POMGNT1: variants seen among roughly 807,000 people sequenced by gnomAD.
POMGNT1 encodes the protein protein O-linked mannose N-acetylglucosaminyltransferase 1 (beta 1,2-).
A neutral mutation model predicts 95.6 loss-of-function variants in POMGNT1; 67 were observed. The observed-to-expected ratio is 0.70, with a 90% CI of 0.58 to 0.86. POMGNT1 has a LOEUF of 0.86. Ranked by LOEUF, POMGNT1 falls within the 40% of genes least tolerant of loss-of-function variation. The pLI, the probability that POMGNT1 is intolerant of heterozygous loss-of-function variation, is 0.00. For missense variants in POMGNT1, 719 were observed against 855.2 expected (o/e 0.84, Z 1.99); for synonymous variants, 298 against 317.9 (o/e 0.94, Z 0.66).
exon 1 of POMGNT1, chr1:46,220,015 C>A: frequency 1.2e-6 from 2 of 1,614,180 alleles, no homozygotes; most frequent in East Asian, 2.2e-5. Context: ...ATGGACTGGG[C>A]AAAAGTTATA....
intron 17 of POMGNT1, chr1:46,191,139 C>T (rs1002820159): frequency 1.1e-5 from 4 of 350,532 alleles, no homozygotes; most frequent in Non-Finnish European, 1.7e-5. Flanking sequence ...AAGGGACGGG[C>T]TGGGCTGGGA....
intron 1 of POMGNT1, among the ~76,000 whole-genome samples, chr1:46,205,223 A>G (rs1219106967): frequency 6.6e-6 from 1 of 151,978 alleles, no homozygotes; most frequent in Non-Finnish European, 1.5e-5. Flanking sequence ...GCACCACTGC[A>G]CTCCAGCCTG....
In POMGNT1 at chr1:46,189,001, AAGGGCAGGATG is replaced by A; in HGVS notation, c.*258_*268del. ...CAGGCCTGGAAAGTGAGGGTATTCA[AAGGGCAGGATG>A]AGCTGCTAGGGATCGTAATGATTCC... On this transcript the variant is annotated 3_prime_UTR_variant, in exon 22 of 22. Coordinates refer to ENST00000371984, the MANE Select transcript of POMGNT1 (RefSeq NM_017739.4). 1 of 1,601,478 alleles carries A rather than the reference AAGGGCAGGATG, an allele frequency of 6.2e-7. No individual in the cohort carries two copies.
At chr1:46,194,063 G>A in intron 9 of POMGNT1, 138 bp from the exon 10 acceptor site, 2 of 1,543,648 alleles carry the variant, frequency 1.3e-6, no homozygotes, top group Non-Finnish European at 1.8e-6. Flanking sequence ...CCTGTTCTGG[G>A]CTCTCCACAC....
In POMGNT1 at chr1:46,196,738, C is replaced by G. The variant is rs759207565; in HGVS notation, c.347G>C (p.Gly116Ala). Residue 116 changes from glycine (G) to alanine (A), a missense_variant, in exon 4 of 22, where the codon GGC (glycine) becomes GCC (alanine). Physicochemically the swap from Gly to Ala is moderately conservative, Grantham distance 60. Around this residue, in one of 5 missense-constraint regions of POMGNT1, gnomAD observed 466 missense variants for 517.4 expected, o/e 0.90. Coordinates refer to ENST00000371984, the MANE Select transcript of POMGNT1 (RefSeq NM_017739.4). The surrounding 1 kb of genome is among the most constrained non-coding windows in gnomAD (Gnocchi z 4.4). ...AGACCCTGGCCCACTGACCGTGGTGCCATCCACTGCCACATATACTTTGCT... is the reference window on the plus strand; with the variant it reads ...AGACCCTGGCCCACTGACCGTGGTGGCATCCACTGCCACATATACTTTGCT... ...SRSKVYVAVD[G>A]TTVLEDEARE... The G allele has an allele frequency of 6.2e-7, 1 of 1,614,156 alleles. No homozygotes were observed. The highest frequency in any genetic ancestry group is 2.2e-5 in the East Asian group (1 of 44,888).
chr1:46,190,360 T>C (rs1657665632), intron 19 of POMGNT1, 113 bp downstream of exon 19: 2 of 1,382,314 alleles, frequency 1.4e-6, no homozygotes, highest in Admixed American at 1.7e-5. Context: ...TCCTAATGTT[T>C]GAGATGAGGG....
chr1:46,189,597 T>C (rs775447267), intron 20 of POMGNT1, 30 bp from the exon 21 acceptor site: 1 of 1,594,290 alleles, frequency 6.3e-7, no homozygotes, highest in South Asian at 1.1e-5. Context: ...GACAGAGACA[T>C]GGGTCAGAGA....
intron 1 of POMGNT1, among the ~76,000 whole-genome samples, chr1:46,205,616 T>C (rs867631328): frequency 3.3e-5 from 5 of 152,218 alleles, no homozygotes; most frequent in African/African-American, 9.6e-5. Flanking sequence ...CTGTAAACTT[T>C]AAGGGGCTGC....
intron 1 of POMGNT1, among the ~76,000 whole-genome samples, chr1:46,204,197 G>C (rs1016246586): frequency 1.3e-5 from 2 of 152,142 alleles, no homozygotes; most frequent in Non-Finnish European, 2.9e-5. Flanking sequence ...CCATAGCAGG[G>C]ACAGAGAGTA....
chr1:46,219,901 GCAC>G (rs773680596), exon 1 of POMGNT1: 28 of 1,613,874 alleles, frequency 1.7e-5, no homozygotes, highest in Non-Finnish European at 1.8e-5. Flanking sequence ...CCAGACACCA[GCAC>G]CACCGACCGG....
chr1:46,198,801 G>A (rs1485169124), upstream of POMGNT1, among the ~76,000 whole-genome samples: 1 of 152,336 alleles, frequency 6.6e-6, no homozygotes, highest in East Asian at 1.9e-4. Flanking sequence ...CCTGGGCAAG[G>A]CCGTTACCTA....
rs759939672 is a variant in POMGNT1 at position 46,195,877 on chromosome 1, C to G, written c.468G>C (p.Glu156Asp). 1 of 1,613,352 alleles carries G rather than the reference C, an allele frequency of 6.2e-7. No homozygotes were observed. The highest frequency in any genetic ancestry group is 1.3e-5 in the African/African-American group (1 of 74,916). Reference sequence around the variant, plus strand: ...TGAGGAATAGCACCATGGCCTCATCCTCATGAGGTGAGTACGTGTCAAACA... The same window carrying G: ...TGAGGAATAGCACCATGGCCTCATCGTCATGAGGTGAGTACGTGTCAAACA... ...KRVFDTYSPH[E>D]DEAMVLFLNM... The change falls in exon 6 of 22, where the codon GAG becomes GAC. Residue 156 changes from glutamate to aspartate, a missense_variant. By Grantham distance (45) the Glu-to-Asp change is conservative (BLOSUM62 2). Coordinates refer to ENST00000371984, the MANE Select transcript of POMGNT1 (RefSeq NM_017739.4).
rs1487481560 is a variant in POMGNT1, at chr1:46,193,592, A to G, written c.998T>C (p.Ile333Thr). 2 of 1,614,024 alleles carry G rather than the reference A, an allele frequency of 1.2e-6. No individual in the cohort carries two copies. Among genetic ancestry groups the G allele is most frequent in the Non-Finnish European group, 1.7e-6 (2 of 1,180,010 alleles). The change falls in exon 11 of 22, where the codon ATA becomes ACA. Residue 333 changes from isoleucine (I) to threonine (T), a missense_variant. This residue lies in a region of POMGNT1 where 466 missense variants were observed against 517.4 expected (regional missense o/e 0.90). Transcript: ENST00000371984. The part of the protein sequence containing the change: ...LSAQGVSPQM[I>T]TVFIDGYYEE... ...ATAGTAGCCGTCAATGAAAACTGTT[A>G]TCATCTGAGGAGACACCCCCTGGGC...
In POMGNT1 at chr1:46,197,092, GA is replaced by G; in HGVS notation, c.121-9del. 7 of 1,614,140 alleles carry G rather than the reference GA, an allele frequency of 4.3e-6. No individual in the cohort carries two copies. The highest frequency in any genetic ancestry group is 5.1e-6 in the Non-Finnish European group (6 of 1,180,002). On this transcript the variant is annotated splice_polypyrimidine_tract_variant and intron_variant, in intron 2 of 21. Coordinates refer to ENST00000371984, the MANE Select transcript of POMGNT1 (RefSeq NM_017739.4). Reference sequence around the variant, plus strand: ...GAAAAGCACGGCCCCTGTCTGAGGGGAGGGGTAGGGATGATTAAGAGGAGCA... The same window carrying G: ...GAAAAGCACGGCCCCTGTCTGAGGGGGGGGTAGGGATGATTAAGAGGAGCA...
Position 46,218,973 on chromosome 1 carries a change from C to T in POMGNT1, c.-51+732G>A, listed in dbSNP as rs1195084174. Among the ~76,000 whole-genome samples, 3 of 152,252 alleles carry T rather than the reference C, an allele frequency of 2.0e-5. No homozygotes were observed. In the East Asian group the frequency reaches 5.8e-4, roughly 29 times the overall value. ...ATCTTGCTATTCTTTGTTTCTATGT[C>T]TTTCTGGTGAATATGGGCAGGCTCA... On this transcript the variant is annotated intron_variant, in intron 1 of 22. Transcript: ENST00000371992.
At chr1:46,208,062 G>A (rs1316204020) in intron 1 of POMGNT1, among the ~76,000 whole-genome samples, 1 of 151,594 alleles carries the variant, frequency 6.6e-6, no homozygotes, top group African/African-American at 2.4e-5. Context: ...GTTTCACCAC[G>A]TTGGCCAGGC....
chr1:46,218,486 T>A (rs767302390), intron 1 of POMGNT1, among the ~76,000 whole-genome samples: 3 of 152,362 alleles, frequency 2.0e-5, no homozygotes, highest in South Asian at 2.1e-4. Flanking sequence ...GGCGAAACTA[T>A]AGAGATGGGC....
At chr1:46,192,777 C>T in intron 14 of POMGNT1, 123 bp downstream of exon 14, 3 of 1,584,232 alleles carry the variant, frequency 1.9e-6, no homozygotes, top group Non-Finnish European at 2.6e-6. Context: ...TGCCATCCTA[C>T]CTTTGCCCAG....
At chr1:46,217,237 C>T (rs1659097118) in intron 1 of POMGNT1, among the ~76,000 whole-genome samples, 1 of 152,020 alleles carries the variant, frequency 6.6e-6, no homozygotes, top group Non-Finnish European at 1.5e-5. Context: ...GCAGAGGGCT[C>T]CTTAAGAGAT....
Sources: gnomAD v4.1 joint callset for allele counts (sites outside exome capture counted in the v4.1 genomes callset) on GRCh38, gnomAD v4.1.1 for gene constraint, gnomAD v4.1.1 regional missense constraint, Gnocchi (gnomAD v3.1) non-coding constraint, MANE v1.5 for transcripts, NCBI Gene and HGNC (gene_info 2026-07-23, HGNC 2026-07-21) for gene names.